NRXN1: variants seen among roughly 807,000 people sequenced by gnomAD.
The protein encoded by NRXN1 is neurexin-1.
In NRXN1, 39 loss-of-function variants were observed where a neutral mutation model predicts 150.9. The observed-to-expected ratio is 0.26, with a 90% CI of 0.20 to 0.34. The LOEUF is 0.34. Ranked by LOEUF, NRXN1 falls within the 10% of genes least tolerant of loss-of-function variation. The pLI, the probability that NRXN1 is intolerant of heterozygous loss-of-function variation, is 1.00. For missense variants in NRXN1, 1,815 were observed against 1,949.9 expected (o/e 0.93, Z 1.30); for synonymous variants, 924 against 757.0 (o/e 1.22, Z -3.62).
intron 17 of NRXN1, among the ~76,000 whole-genome samples, chr2:50,319,071 A>T (rs925299659): frequency 6.6e-5 from 10 of 152,242 alleles, no homozygotes; most frequent in Non-Finnish European, 4.4e-5. Context: ...TGGGATTTTT[A>T]TTAAAAAATC....
intron 17 of NRXN1, among the ~76,000 whole-genome samples, chr2:50,398,954 A>G (rs576256551): frequency 1.3e-5 from 2 of 152,320 alleles, no homozygotes; most frequent in South Asian, 4.1e-4. Context: ...TACATGAAAG[A>G]AACTTTCTTT....
intron 5 of NRXN1, among the ~76,000 whole-genome samples, chr2:50,642,827 T>A (rs932922575): frequency 2.0e-5 from 3 of 151,972 alleles, no homozygotes; most frequent in Non-Finnish European, 4.4e-5. Context: ...TAGACATTTT[T>A]ATTCTTCCTA....
intron 5 of NRXN1, among the ~76,000 whole-genome samples, chr2:50,899,770 GTGA>G (rs1249163613): frequency 6.6e-6 from 1 of 152,116 alleles, no homozygotes; most frequent in African/African-American, 2.4e-5. Flanking sequence ...CCCCATGTTG[GTGA>G]TGTTATAGAA....
At chr2:50,189,313 C>A (rs900028913) in intron 18 of NRXN1, among the ~76,000 whole-genome samples, 1 of 151,246 alleles carries the variant, frequency 6.6e-6, no homozygotes, top group Non-Finnish European at 1.5e-5. Flanking sequence ...GGGAGTTGAA[C>A]AATGAGAACA....
At chr2:50,785,225 G>C (rs1028644273) in intron 5 of NRXN1, among the ~76,000 whole-genome samples, 1 of 148,264 alleles carries the variant, frequency 6.7e-6, no homozygotes, top group South Asian at 2.2e-4. Context: ...CCACCCTCTA[G>C]AACTCTGAGA....
intron 17 of NRXN1, among the ~76,000 whole-genome samples, chr2:50,252,985 T>C (rs1321190427): frequency 6.6e-6 from 1 of 152,230 alleles, no homozygotes; most frequent in Non-Finnish European, 1.5e-5. Context: ...GTATTTAAAC[T>C]ATAAATTGCT....
At chr2:50,739,340 C>T in intron 5 of NRXN1, 1 of 415,894 alleles carries the variant, frequency 2.4e-6, no homozygotes, top group Non-Finnish European at 5.0e-6. Context: ...ACAGAAAATA[C>T]TAGTCACAAA....
In NRXN1 at chr2:49,919,494, A is replaced by ATAT. The variant is rs1319995728; in HGVS notation, c.*2447_*2449dup. 2.6e-5 allele frequency: 4 copies of ATAT among 152,020 alleles called. No homozygotes were observed. Among genetic ancestry groups the ATAT allele is most frequent in the Admixed American group, 1.3e-4 (2 of 15,262 alleles). The allele number at this position is 152,020 out of a possible 1,614,324, so 9.4% of individuals were successfully genotyped here. On this transcript the variant is annotated 3_prime_UTR_variant, in exon 23 of 23. Coordinates refer to ENST00000401669, the MANE Select transcript of NRXN1 (RefSeq NM_001330078.2). ...ACCATTATTCAATTTATTTTCTATT[A>ATAT]TATTTTAGAATCTTTCCAGATGGAA...
chr2:50,944,263 T>C (rs991210393), intron 2 of NRXN1, among the ~76,000 whole-genome samples: 2 of 152,252 alleles, frequency 1.3e-5, no homozygotes, highest in East Asian at 1.9e-4. Context: ...TTACACAAAT[T>C]ATAAAGAATG....
chr2:50,726,927 T>C (rs1008610771), intron 5 of NRXN1, among the ~76,000 whole-genome samples: 14 of 152,142 alleles, frequency 9.2e-5, no homozygotes, highest in Non-Finnish European at 1.3e-4. Flanking sequence ...ATCCTATATA[T>C]AGTCATAAAT....
chr2:50,105,734 T>C (rs567354686), intron 18 of NRXN1, among the ~76,000 whole-genome samples: 1 of 152,052 alleles, frequency 6.6e-6, no homozygotes, highest in South Asian at 2.1e-4. Context: ...GAAATAGTAA[T>C]AACTTACCAG....
At chr2:50,703,664 A>G (rs935205726) in intron 5 of NRXN1, among the ~76,000 whole-genome samples, 3 of 152,184 alleles carry the variant, frequency 2.0e-5, no homozygotes, top group African/African-American at 4.8e-5. Context: ...CAGTAATTTA[A>G]TAGCAACTTA....
Position 50,347,899 on chromosome 2 carries a change from C to T in NRXN1, c.3365-110929G>A. Reference sequence around the variant, plus strand: ...GGCTGGTCTAGCTTCCCACGAAAATCGCCCTGCTTTGCCTCTCCCTTGCAT... The same window carrying T: ...GGCTGGTCTAGCTTCCCACGAAAATTGCCCTGCTTTGCCTCTCCCTTGCAT... On this transcript the variant is annotated intron_variant, in intron 17 of 22. Coordinates refer to ENST00000401669, the MANE Select transcript of NRXN1 (RefSeq NM_001330078.2). The surrounding 1 kb of genome is among the most constrained non-coding windows in gnomAD (Gnocchi z 4.9). 1.0e-6 allele frequency: 1 copy of T among 956,678 alleles called. No individual in the cohort carries two copies. The highest frequency in any genetic ancestry group is 1.2e-6 in the Non-Finnish European group (1 of 803,816). The allele number at this position is 956,678 out of a possible 1,614,324, so 59.3% of individuals were successfully genotyped here. A position where few individuals can be genotyped will look rare whatever the true frequency, so the allele number is the denominator to read the frequency against.
intron 18 of NRXN1, among the ~76,000 whole-genome samples, chr2:50,098,844 T>TGG (rs1340033312): frequency 0.14 from 1,284 of 9,230 alleles, 81 homozygotes; most frequent in African/African-American, 0.31. Context: ...TTTTTTTTTT[T>TGG]TTTTTTTTTT....
chr2:50,086,847 A>AGAGAGAGAGAGC (rs958617981), intron 19 of NRXN1, among the ~76,000 whole-genome samples: 4 of 150,692 alleles, frequency 2.7e-5, no homozygotes, highest in African/African-American at 9.8e-5. Context: ...AGAGAGAGAG[A>AGAGAGAGAGAGC]GAGCGAGCCG....
At chr2:51,017,701 T>A (rs17041196) in intron 2 of NRXN1, among the ~76,000 whole-genome samples, 1 of 151,768 alleles carries the variant, frequency 6.6e-6, no homozygotes, top group Non-Finnish European at 1.5e-5. Context: ...CATTTCACTG[T>A]GCTTTTGAGT....
intron 19 of NRXN1, among the ~76,000 whole-genome samples, chr2:50,075,317 T>C (rs776203364): frequency 6.6e-6 from 1 of 152,212 alleles, no homozygotes; most frequent in Non-Finnish European, 1.5e-5. Flanking sequence ...ACATCTTGGC[T>C]GCACACCAGA....
chr2:49,965,198 T>C (rs1042169042), intron 21 of NRXN1, among the ~76,000 whole-genome samples: 1 of 151,626 alleles, frequency 6.6e-6, no homozygotes, highest in African/African-American at 2.4e-5. Context: ...CTAATTACGT[T>C]TCCTTGTGTC....
At chr2:50,948,781 C>T (rs1341850644) in intron 2 of NRXN1, among the ~76,000 whole-genome samples, 1 of 152,080 alleles carries the variant, frequency 6.6e-6, no homozygotes, top group African/African-American at 2.4e-5. Context: ...AGATACCACA[C>T]TGCATAGAGC....
Sources: allele counts gnomAD v4.1 joint callset (sites outside exome capture counted in the v4.1 genomes callset), GRCh38; gene constraint gnomAD v4.1.1; non-coding constraint Gnocchi (gnomAD v3.1); transcripts MANE v1.5; gene names NCBI Gene and HGNC (gene_info 2026-07-23, HGNC 2026-07-21).